The following MORN1 variants were observed in gnomAD, a reference collection of about 807,000 sequenced individuals.
MORN1 encodes the protein MORN repeat containing 1.
In MORN1, 67 loss-of-function variants were observed where a neutral mutation model predicts 61.9. The observed-to-expected ratio is 1.08, with a 90% confidence interval of 0.89 to 1.33. The LOEUF (loss-of-function observed/expected upper bound fraction) is 1.33, where lower values mean the gene tolerates loss of function less well. MORN1 is among the 40% of genes most tolerant of loss of function. The pLI is 0.00. For synonymous variants in MORN1, 301 were observed against 292.0 expected (o/e 1.03, Z -0.31); for missense variants, 752 against 691.2 (o/e 1.09, Z -0.99).
chr1:2,354,537 A>C (rs1053752977), intron 10 of MORN1, among the ~76,000 whole-genome samples: 2 of 152,194 alleles, frequency 1.3e-5, no homozygotes, highest in African/African-American at 4.8e-5. Context: ...ACTGCACTCC[A>C]GCCTGGGTGA....
chr1:2,344,722 G>C (rs1203643384), intron 10 of MORN1, among the ~76,000 whole-genome samples: 1 of 152,212 alleles, frequency 6.6e-6, no homozygotes, highest in African/African-American at 2.4e-5. Flanking sequence ...GAAAGGGGGA[G>C]CGCTGTGCCA....
intron 1 of MORN1, 102 bp downstream of exon 1, chr1:2,391,356 A>G: frequency 8.3e-7 from 1 of 1,210,784 alleles, no homozygotes; most frequent in Non-Finnish European, 1.0e-6. Flanking sequence ...CTGGACCTCT[A>G]CTTTCCGAGG....
At chr1:2,328,064 C>G (rs1641074795) in intron 12 of MORN1, among the ~76,000 whole-genome samples, 1 of 152,268 alleles carries the variant, frequency 6.6e-6, no homozygotes, top group Non-Finnish European at 1.5e-5. Flanking sequence ...GCAGGCCGAG[C>G]AAGGGACCTC....
chr1:2,370,480 T>C (rs1156372867), intron 8 of MORN1, among the ~76,000 whole-genome samples: 1 of 151,800 alleles, frequency 6.6e-6, no homozygotes, highest in Admixed American at 6.6e-5. Flanking sequence ...AAAGAAAAAA[T>C]GGACAAACTG....
At chr1:2,327,097 CACACAGAA>C (rs1641042977) in intron 12 of MORN1, among the ~76,000 whole-genome samples, 1 of 143,934 alleles carries the variant, frequency 6.9e-6, no homozygotes, top group South Asian at 2.1e-4. Context: ...GACACAGAAA[CACACAGAA>C]ACACACAGAA....
At chr1:2,379,022 T>C (rs1642311080) in intron 6 of MORN1, 1 of 470,964 alleles carries the variant, frequency 2.1e-6, no homozygotes, top group African/African-American at 2.0e-5. Flanking sequence ...TTTTCTAGAA[T>C]GCATTTTTAA....
chr1:2,346,446 C>T (rs553662445), intron 10 of MORN1, among the ~76,000 whole-genome samples: 25 of 152,300 alleles, frequency 1.6e-4, no homozygotes, highest in African/African-American at 5.3e-4. Flanking sequence ...AGTGCCGTGG[C>T]GCATTCTCGG....
intron 2 of MORN1, among the ~76,000 whole-genome samples, chr1:2,389,089 G>C (rs1642578538): frequency 6.9e-6 from 1 of 145,738 alleles, no homozygotes; most frequent in South Asian, 2.2e-4. Context: ...TCCAGCCTGG[G>C]CAACAAGAGC....
chr1:2,349,613 T>C (rs981216164), intron 10 of MORN1, among the ~76,000 whole-genome samples: 11 of 152,240 alleles, frequency 7.2e-5, no homozygotes, highest in Non-Finnish European at 1.5e-4. Context: ...TCTTTCATGC[T>C]ACTCTGCCAT....
intron 10 of MORN1, among the ~76,000 whole-genome samples, chr1:2,348,321 A>G (rs1342920387): frequency 6.6e-6 from 1 of 152,170 alleles, no homozygotes; most frequent in African/African-American, 2.4e-5. Flanking sequence ...GGCTCTGCTC[A>G]GCCCACGCTG....
At chr1:2,322,907 C>T (rs1165185173) in intron 13 of MORN1, 10 of 985,282 alleles carry the variant, frequency 1.0e-5, no homozygotes, top group East Asian at 2.3e-4. Flanking sequence ...TGCGGCAGGC[C>T]GGGCCTCGAC....
rs569642374 is a variant in MORN1, at chr1:2,355,267, G to A, written c.1036+2165C>T. ...CAACTGAGGTGAAGGCAGACAAGGG[G>A]GCGCGGGCCGGGCCCCCCGTGGGCC... On this transcript the variant is annotated intron_variant, in intron 10 of 13. Transcript: ENST00000378531. 1.7e-3 allele frequency: 2,468 copies of A among 1,429,474 alleles called. 5 individuals carry two copies. Among genetic ancestry groups the A allele is most frequent in the Non-Finnish European group, 2.1e-3 (2,329 of 1,085,752 alleles). 88.5% of individuals were successfully genotyped at this position (1,429,474 alleles called of 1,614,324 possible). A position where few individuals can be genotyped will look rare whatever the true frequency, so the allele number is the denominator to read the frequency against.
chr1:2,356,645 C>T (rs561539381), intron 10 of MORN1, among the ~76,000 whole-genome samples: 58 of 152,310 alleles, frequency 3.8e-4, no homozygotes, highest in Non-Finnish European at 7.1e-4. Flanking sequence ...AAGAAGGACC[C>T]GGTGGCCGGC....
chr1:2,355,201 A>G, intron 10 of MORN1: 1 of 1,271,590 alleles, frequency 7.9e-7, no homozygotes, highest in Non-Finnish European at 1.0e-6. Context: ...ATGCAGAAAT[A>G]TGAGAGCTAT....
At chr1:2,333,585 T>C (rs937117602) in intron 12 of MORN1, among the ~76,000 whole-genome samples, 1 of 152,204 alleles carries the variant, frequency 6.6e-6, no homozygotes, top group African/African-American at 2.4e-5. Flanking sequence ...TCCAGGGTGC[T>C]AGCGGCAGGA....
chr1:2,336,875 C>A (rs763687763), intron 10 of MORN1, 25 bp from the exon 11 acceptor site: 1 of 1,530,884 alleles, frequency 6.5e-7, no homozygotes, highest in Non-Finnish European at 8.8e-7. Context: ...TGAAGAAAGA[C>A]CCTATGAGGG....
intron 10 of MORN1, among the ~76,000 whole-genome samples, chr1:2,353,692 C>T (rs1641700855): frequency 6.6e-6 from 1 of 152,218 alleles, no homozygotes; most frequent in African/African-American, 2.4e-5. Context: ...CCCCGATCCC[C>T]TAGGGGCCTG....
chr1:2,380,337 T>C (rs1642343914), intron 6 of MORN1, among the ~76,000 whole-genome samples: 1 of 152,176 alleles, frequency 6.6e-6, no homozygotes, highest in African/African-American at 2.4e-5. Flanking sequence ...GCCACGCCAC[T>C]GCACGCTTAA....
chr1:2,322,060 G>GC, intron 13 of MORN1: 1 of 985,336 alleles, frequency 1.0e-6, no homozygotes, highest in Non-Finnish European at 1.2e-6. Context: ...TGCTTTTGAA[G>GC]CCCCGCCCTG....
Sources: allele counts gnomAD v4.1 joint callset (sites outside exome capture counted in the v4.1 genomes callset), GRCh38; gene constraint gnomAD v4.1.1; transcripts MANE v1.5; gene names NCBI Gene and HGNC (gene_info 2026-07-23, HGNC 2026-07-21).